PCDHA1: variants seen among roughly 807,000 people sequenced by gnomAD.
PCDHA1 encodes protocadherin alpha 1.
Under a neutral mutation model 61.3 loss-of-function variants are expected in PCDHA1, and 42 were observed. The observed-to-expected ratio is 0.69, with a 90% confidence interval of 0.54 to 0.89. PCDHA1 has a LOEUF of 0.89. Among genes scored for constraint, PCDHA1 ranks in the 40% least tolerant of loss-of-function variants. PCDHA1 has a pLI of 0.00. For missense variants in PCDHA1, 1,256 were observed against 1,235.3 expected, an observed-to-expected ratio of 1.02 and a Z score of -0.25; for synonymous variants, 610 against 553.8, an observed-to-expected ratio of 1.10 and a Z score of -1.43.
At position 140,869,552 on chromosome 5, in the gene PCDHA1, C is replaced by T. The variant is rs537127263; in HGVS notation, c.2394+80868C>T. ...ATTGCGGAATCTAAGCAATCGGACTCGCGTTTTCCACTAGAGGGAGCTTCT... is the reference window on the plus strand; with the variant it reads ...ATTGCGGAATCTAAGCAATCGGACTTGCGTTTTCCACTAGAGGGAGCTTCT... On this transcript the variant is annotated intron_variant, in intron 1 of 3. Transcript: ENST00000504120. 4 of 1,614,140 alleles carry T rather than the reference C, an allele frequency of 2.5e-6. No homozygotes were observed. In the East Asian group the frequency reaches 6.7e-5, roughly 27 times the overall value.
At position 140,850,017 on chromosome 5, in the gene PCDHA1, G is replaced by T. The variant is rs2150463566; in HGVS notation, c.2394+61333G>T. ...GGGCGAGCGCTCGCTGTCGAGCTAC[G>T]TGTCAGTGCACGCGGAGAGCGGCAA... is the stretch of plus-strand genomic sequence containing the variant. On this transcript the variant is annotated intron_variant, in intron 1 of 3. Transcript: ENST00000504120. The T allele has an allele frequency of 5.6e-6, 9 of 1,596,972 alleles. 2 individuals are homozygous for T. The highest frequency in any genetic ancestry group is 6.9e-6 in the Non-Finnish European group (8 of 1,167,832).
chr5:140,807,199 C>A, intron 1 of PCDHA1: 1 of 1,613,498 alleles, frequency 6.2e-7, no homozygotes, highest in Non-Finnish European at 8.5e-7. Context: ...TGGAGTTTTC[C>A]TGGGGAAGCG....
chr5:140,927,272 G>A lies in PCDHA1; in HGVS notation c.2395-51677G>A, dbSNP rs782403423. 3.7e-6 allele frequency: 6 copies of A among 1,613,966 alleles called. No homozygotes were observed. Among genetic ancestry groups the A allele is most frequent in the African/African-American group, 1.3e-5 (1 of 74,910 alleles). ...GACAACTCACCTCTCTTTCCTGCCG[G>A]CGACGTGCAGCTGCACATCCCCGAG... On this transcript the variant is annotated intron_variant, in intron 1 of 3. Transcript: ENST00000504120.
At chr5:140,989,013 G>A (rs1171400170) in intron 3 of PCDHA1, 1 of 152,208 alleles carries the variant, frequency 6.6e-6, no homozygotes, top group Non-Finnish European at 1.5e-5. Context: ...ACTTATTATA[G>A]TTTCTTCAGT....
chr5:140,966,586 TG>T (rs1297938804), intron 1 of PCDHA1: 39 of 548,908 alleles, frequency 7.1e-5, no homozygotes, highest in Non-Finnish European at 1.1e-4. Flanking sequence ...GCGAGGACGG[TG>T]GGGCCAGGAG....
Position 140,963,857 on chromosome 5 carries a change from G to A in PCDHA1, c.2395-15092G>A, listed in dbSNP as rs181224305. The stretch of plus-strand genomic sequence containing the variant: ...TTCTCATGTAATCATAATAATAACC[G>A]TATGAGTTTTGCTTACTATTGTTTT... On this transcript the variant is annotated intron_variant, in intron 1 of 3. Transcript: ENST00000504120. Among the ~76,000 whole-genome samples the A allele has an allele frequency of 5.3e-5, 8 of 152,252 alleles. 1 individual carries two copies. The East Asian group carries it at 7.7e-4, about 15-fold the overall frequency.
At chr5:140,793,429 G>T (rs1554118927) in intron 1 of PCDHA1, among the ~76,000 whole-genome samples, 2 of 152,140 alleles carry the variant, frequency 1.3e-5, no homozygotes, top group African/African-American at 4.8e-5. Context: ...CATTTCCATA[G>T]ATGGTACAAA....
rs782450366 is a variant in PCDHA1, at chr5:140,786,391, C to T, written c.101C>T (p.Ser34Leu). The T allele has an allele frequency of 5.6e-6, 9 of 1,613,498 alleles. No homozygotes were observed. Among genetic ancestry groups the T allele is most frequent in the South Asian group, 2.2e-5 (2 of 91,064 alleles). ...GTGGGGAGCGGCCAGCTCCACTACT[C>T]GATCCCGGAGGAAGCCAAACACGGC... ...WEVGSGQLHY[S>L]IPEEAKHGTF... The change falls in exon 1 of 4, where the codon TCG (serine) becomes TTG (leucine). Residue 34 changes from serine (S) to leucine (L), a missense_variant. Transcript: ENST00000504120.
At chr5:140,829,691 C>T in intron 1 of PCDHA1, 1 of 1,613,260 alleles carries the variant, frequency 6.2e-7, no homozygotes, top group Non-Finnish European at 8.5e-7. Context: ...GCTGCAGTTT[C>T]AGGTGAGCGC....
chr5:140,793,683 A>T (rs1411875833), intron 1 of PCDHA1, among the ~76,000 whole-genome samples: 3 of 152,148 alleles, frequency 2.0e-5, no homozygotes, highest in Admixed American at 2.0e-4. Flanking sequence ...TTTCATCCTC[A>T]TCTTATCTTT....
At chr5:140,822,931 T>G in intron 1 of PCDHA1, 1 of 1,614,276 alleles carries the variant, frequency 6.2e-7, no homozygotes, top group Non-Finnish European at 8.5e-7. Flanking sequence ...GCAGGTGACC[T>G]GCTCCCTAAT....
At position 141,010,065 on chromosome 5, in the gene PCDHA1, A is replaced by G; in HGVS notation, c.*128A>G. The stretch of plus-strand genomic sequence containing the variant: ...CTTAGAGACCTCAGAAATCTGCAGA[A>G]AGTTCCCTGTGTCTGTCTAGAACGC... On this transcript the variant is annotated 3_prime_UTR_variant, in exon 4 of 4. Coordinates refer to ENST00000504120, the MANE Select transcript of PCDHA1 (RefSeq NM_018900.4). The G allele has an allele frequency of 1.9e-6, 3 of 1,603,546 alleles. No homozygotes were observed. The highest frequency in any genetic ancestry group is 1.1e-5 in the South Asian group (1 of 89,360).
Position 140,928,713 on chromosome 5 carries a change from T to C in PCDHA1, c.2395-50236T>C, listed in dbSNP as rs535812769. The C allele has an allele frequency of 3.1e-6, 5 of 1,614,142 alleles. No individual in the cohort carries two copies. In the African/African-American group the frequency reaches 6.7e-5, roughly 22 times the overall value. ...ACATCTCCCGGGCGTCTGACTCTAG[T>C]CTCTTTAGAATTTCAGCCAATATAG... On this transcript the variant is annotated intron_variant, in intron 1 of 3. Coordinates refer to ENST00000504120, the MANE Select transcript of PCDHA1 (RefSeq NM_018900.4).
intron 1 of PCDHA1, among the ~76,000 whole-genome samples, chr5:140,855,580 ATAT>A (rs1320529577): frequency 6.7e-6 from 1 of 149,924 alleles, no homozygotes; most frequent in Non-Finnish European, 1.5e-5. Flanking sequence ...ATTTAATAAA[ATAT>A]TAGTATACTC....
chr5:140,913,942 T>A (rs1489221369), intron 1 of PCDHA1, among the ~76,000 whole-genome samples: 10 of 152,198 alleles, frequency 6.6e-5, no homozygotes, highest in African/African-American at 2.4e-4. Flanking sequence ...GAGAAGAATC[T>A]TGATATGATA....
Position 140,826,963 on chromosome 5 carries a change from G to T in PCDHA1, c.2394+38279G>T, listed in dbSNP as rs1769130641. Among the ~76,000 whole-genome samples, 3 of 152,092 alleles carry T rather than the reference G, an allele frequency of 2.0e-5. No individual in the cohort carries two copies. The South Asian group carries it at 6.2e-4, about 32-fold the overall frequency. ...GTGGAATAAGGCAAGCCAGGGAAAA[G>T]GAGTAATTTAAAAAGTAATATAGGT... On this transcript the variant is annotated intron_variant, in intron 1 of 3. Transcript: ENST00000504120.
In PCDHA1 at chr5:140,882,919, A is replaced by G. The variant is rs781879301; in HGVS notation, c.2394+94235A>G. 7.4e-6 allele frequency: 12 copies of G among 1,614,104 alleles called. No homozygotes were observed. In the East Asian group the frequency reaches 2.7e-4, roughly 36 times the overall value. The stretch of plus-strand genomic sequence containing the variant: ...GTTTATTACTGACAGCCAGTGATGG[A>G]GGTAAACCCGAGCTGACTGGCACAG... On this transcript the variant is annotated intron_variant, in intron 1 of 3. Coordinates refer to ENST00000504120, the MANE Select transcript of PCDHA1 (RefSeq NM_018900.4).
chr5:140,844,872 C>G (rs925437719), intron 1 of PCDHA1, among the ~76,000 whole-genome samples: 1 of 148,974 alleles, frequency 6.7e-6, no homozygotes, highest in Non-Finnish European at 1.5e-5. Flanking sequence ...TATTAAATAC[C>G]CATTAGACTT....
chr5:140,946,363 A>T (rs2093934761), intron 1 of PCDHA1, among the ~76,000 whole-genome samples: 1 of 151,892 alleles, frequency 6.6e-6, no homozygotes, highest in African/African-American at 2.4e-5. Flanking sequence ...AGAAAAGGGA[A>T]CTCTTGCACA....
Sources: gnomAD v4.1 joint callset for allele counts (sites outside exome capture counted in the v4.1 genomes callset) on GRCh38, gnomAD v4.1.1 for gene constraint, MANE v1.5 for transcripts, NCBI Gene and HGNC (gene_info 2026-07-23, HGNC 2026-07-21) for gene names.